PAX5: variants seen among roughly 807,000 people sequenced by gnomAD.
The protein encoded by PAX5 is paired box 5.
Under a neutral mutation model 43.7 loss-of-function variants are expected in PAX5, and 9 were observed. That is an observed-to-expected ratio of 0.21 (90% confidence interval 0.12 to 0.36). The LOEUF is 0.36. Ranked by LOEUF, PAX5 falls within the 10% of genes least tolerant of loss-of-function variation. The pLI is 1.00. For missense variants in PAX5, 383 were observed against 532.7 expected (o/e 0.72, Z 2.77); for synonymous variants, 228 against 214.3 (o/e 1.06, Z -0.56).
chr9:36,879,934 C>G (rs1187878546), intron 8 of PAX5, among the ~76,000 whole-genome samples: 1 of 152,162 alleles, frequency 6.6e-6, no homozygotes, highest in Non-Finnish European at 1.5e-5. Flanking sequence ...TGCAGCAGAC[C>G]AAAGTTTTGC....
chr9:36,923,132 T>A, intron 7 of PAX5: 6 of 483,970 alleles, frequency 1.2e-5, no homozygotes, highest in East Asian at 3.3e-5. Flanking sequence ...CCACAGTCCA[T>A]TTGGCATTTG....
chr9:36,866,339 G>T (rs1245688285), intron 8 of PAX5, among the ~76,000 whole-genome samples: 1 of 152,200 alleles, frequency 6.6e-6, no homozygotes, highest in Non-Finnish European at 1.5e-5. Context: ...ATTTCTTTGT[G>T]TCTGGCTACC....
At chr9:36,917,534 C>T (rs1047357915) in intron 7 of PAX5, among the ~76,000 whole-genome samples, 1 of 152,222 alleles carries the variant, frequency 6.6e-6, no homozygotes, top group South Asian at 2.1e-4. Context: ...TATGTAGCCC[C>T]AACTAAACAT....
intron 6 of PAX5, among the ~76,000 whole-genome samples, chr9:36,948,186 C>T (rs1466993692): frequency 1.3e-5 from 2 of 152,156 alleles, no homozygotes; most frequent in Non-Finnish European, 2.9e-5. Context: ...CAGGTACGCA[C>T]GCCAGGTTCC....
intron 6 of PAX5, among the ~76,000 whole-genome samples, chr9:36,937,745 A>G (rs1356415672): frequency 6.6e-6 from 1 of 152,196 alleles, no homozygotes; most frequent in African/African-American, 2.4e-5. Flanking sequence ...AGGTTTCCAG[A>G]TAGGTTTAGC....
intron 6 of PAX5, among the ~76,000 whole-genome samples, chr9:36,957,961 G>C (rs1385420651): frequency 6.6e-6 from 1 of 152,114 alleles, no homozygotes; most frequent in African/African-American, 2.4e-5. Context: ...TTTCCCAGGG[G>C]TACCCTCTGG....
intron 5 of PAX5, among the ~76,000 whole-genome samples, chr9:36,972,794 G>T (rs941240720): frequency 6.6e-6 from 1 of 152,134 alleles, no homozygotes; most frequent in Non-Finnish European, 1.5e-5. Context: ...TTGGGAGGCC[G>T]AGGCAGGCAA....
chr9:36,863,575 G>A (rs1164511791), intron 8 of PAX5, among the ~76,000 whole-genome samples: 1 of 152,220 alleles, frequency 6.6e-6, no homozygotes. Flanking sequence ...ACATTGCCAG[G>A]CAGAGGCAGG....
intron 7 of PAX5, among the ~76,000 whole-genome samples, chr9:36,888,620 G>A (rs1827105345): frequency 6.6e-6 from 1 of 152,204 alleles, no homozygotes; most frequent in South Asian, 2.1e-4. Flanking sequence ...CTGGGGCTGG[G>A]AAATGCTCAA....
intron 7 of PAX5, among the ~76,000 whole-genome samples, chr9:36,909,967 A>G (rs1829131578): frequency 6.6e-6 from 1 of 151,890 alleles, no homozygotes; most frequent in South Asian, 2.1e-4. Context: ...GACTATGGGC[A>G]CGCACCACCA....
intron 5 of PAX5, among the ~76,000 whole-genome samples, chr9:36,973,399 C>T (rs1004132627): frequency 6.6e-6 from 1 of 152,114 alleles, no homozygotes; most frequent in African/African-American, 2.4e-5. Flanking sequence ...GAGTACAGAG[C>T]TGGGGTGACT....
intron 7 of PAX5, among the ~76,000 whole-genome samples, chr9:36,914,305 T>A (rs1829554444): frequency 6.6e-6 from 1 of 152,238 alleles, no homozygotes; most frequent in Non-Finnish European, 1.5e-5. Context: ...GCAACTACCG[T>A]GTAAATGGAG....
intron 3 of PAX5, among the ~76,000 whole-genome samples, chr9:37,011,754 TA>T (rs1838947035): frequency 6.6e-6 from 1 of 152,112 alleles, no homozygotes; most frequent in Non-Finnish European, 1.5e-5. Context: ...CACATACTCC[TA>T]GGGGTGAACC....
rs1369560170 is a variant in PAX5 at position 36,897,599 on chromosome 9, C to T, written c.911-15494G>A. Reference sequence around the variant, plus strand: ...TGCAGGTGAGAAGAAGAAACTCCTGCAAGGGCAGGGTCTTGCCCAGAGGGC... The same window carrying T: ...TGCAGGTGAGAAGAAGAAACTCCTGTAAGGGCAGGGTCTTGCCCAGAGGGC... On this transcript the variant is annotated intron_variant, in intron 7 of 9. Transcript: ENST00000358127. Among the ~76,000 whole-genome samples, 5 of 152,156 alleles carry T rather than the reference C, an allele frequency of 3.3e-5. No homozygotes were observed. The East Asian group carries it at 9.6e-4, about 29-fold the overall frequency.
intron 8 of PAX5, among the ~76,000 whole-genome samples, chr9:36,871,846 C>A (rs756994981): frequency 6.6e-6 from 1 of 152,298 alleles, no homozygotes; most frequent in South Asian, 2.1e-4. Context: ...ACTTCCCAGG[C>A]GGGCCAGTGA....
At chr9:36,881,366 T>G (rs1799316146) in intron 8 of PAX5, among the ~76,000 whole-genome samples, 1 of 152,206 alleles carries the variant, frequency 6.6e-6, no homozygotes, top group Admixed American at 6.5e-5. Context: ...CCTGCTATGC[T>G]AATGCCCTTA....
At chr9:37,018,589 T>C (rs1356556706) in intron 2 of PAX5, among the ~76,000 whole-genome samples, 2 of 33,934 alleles carry the variant, frequency 5.9e-5, no homozygotes, top group Admixed American at 3.3e-4. Context: ...AAAAAAAAAA[T>C]CTGTGGATTG....
intron 2 of PAX5, among the ~76,000 whole-genome samples, chr9:37,020,034 T>A (rs1380979580): frequency 6.6e-6 from 1 of 151,712 alleles, no homozygotes; most frequent in Non-Finnish European, 1.5e-5. Flanking sequence ...TAGTATTTTG[T>A]TTGCAGCAAA....
rs111375368 is a variant in PAX5, at chr9:36,844,394, C to T, written c.1099+2449G>A. ...ACCTCAGGTGAATTAGTTCACCTTTCTGAGCCTCATTGTCCTCTTCCGTAT... is the reference window on the plus strand; with the variant it reads ...ACCTCAGGTGAATTAGTTCACCTTTTTGAGCCTCATTGTCCTCTTCCGTAT... On this transcript the variant is annotated intron_variant, in intron 9 of 9. Coordinates refer to ENST00000358127, the MANE Select transcript of PAX5 (RefSeq NM_016734.3). Among the ~76,000 whole-genome samples, 792 of 152,332 alleles carry T rather than the reference C, an allele frequency of 5.2e-3. 8 individuals carry two copies. The highest frequency in any genetic ancestry group is 0.016 in the African/African-American group (654 of 41,574).
Sources: gnomAD v4.1 joint callset for allele counts (sites outside exome capture counted in the v4.1 genomes callset) on GRCh38, gnomAD v4.1.1 for gene constraint, MANE v1.5 for transcripts, NCBI Gene and HGNC (gene_info 2026-07-23, HGNC 2026-07-21) for gene names.